The following DNAH8 variants were observed in gnomAD, a reference collection of about 807,000 sequenced individuals.
The protein encoded by DNAH8 is dynein axonemal heavy chain 8.
Under a neutral mutation model 562.1 loss-of-function variants are expected in DNAH8, and 382 were observed. The observed-to-expected ratio is 0.68, with a 90% CI of 0.63 to 0.74. DNAH8 has a LOEUF of 0.74. DNAH8 is among the 30% of genes least tolerant of loss of function. The pLI is 0.00. For synonymous variants in DNAH8, 1,881 were observed against 1,919.4 expected, an observed-to-expected ratio of 0.98 and a Z score of 0.52; for missense variants, 5,203 against 5,620.4, an observed-to-expected ratio of 0.93 and a Z score of 2.37.
In DNAH8 at chr6:38,909,668, A is replaced by C. The variant is rs1056630134; in HGVS notation, c.9664A>C (p.Ile3222Leu). 56 of 1,614,046 alleles carry C rather than the reference A, an allele frequency of 3.5e-5. No homozygotes were observed. Among genetic ancestry groups the C allele is most frequent in the Non-Finnish European group, 4.7e-5 (55 of 1,180,012 alleles). Reference protein sequence around the residue: ...SDYNIVCSSEIKRQVVETMGL... With the variant: ...SDYNIVCSSELKRQVVETMGL... ...CTATAATATTGTCTGCTCTAGTGAA[A>C]TTAAAAGACAAGTTGTAGAAACAAT... The change falls in exon 65 of 93, where the codon ATT becomes CTT. Residue 3222 changes from isoleucine to leucine, a missense_variant. This residue lies in a region of DNAH8 where 977 missense variants were observed against 1,061.8 expected (regional missense o/e 0.92). Transcript: ENST00000327475.
chr6:38,878,548 G>T (rs1020267105), intron 53 of DNAH8, among the ~76,000 whole-genome samples: 1 of 152,012 alleles, frequency 6.6e-6, no homozygotes, highest in African/African-American at 2.4e-5. Context: ...GATCTGAAAA[G>T]ATCAATAAAA....
Position 38,834,661 on chromosome 6 carries a change from G to A in DNAH8, c.4365+20G>A, listed in dbSNP as rs1774130566. The A allele has an allele frequency of 1.3e-6, 2 of 1,571,052 alleles. No homozygotes were observed. Among genetic ancestry groups the A allele is most frequent in the Admixed American group, 1.8e-5 (1 of 55,686 alleles). On this transcript the variant is annotated intron_variant, in intron 32 of 92. Coordinates refer to ENST00000327475, the MANE Select transcript of DNAH8 (RefSeq NM_001206927.2). ...TTTCAGGTGAAACCACATTTTTTTTGTTACATCGACAATGTGTAATTTAAA... is the reference window on the plus strand; with the variant it reads ...TTTCAGGTGAAACCACATTTTTTTTATTACATCGACAATGTGTAATTTAAA...
chr6:38,954,228 T>G (rs9470954), intron 82 of DNAH8, among the ~76,000 whole-genome samples: 45,085 of 151,912 alleles, frequency 0.3, 7,009 homozygotes, highest in African/African-American at 0.36. Context: ...GCCTGACTAC[T>G]GGAGGAGGGA....
chr6:38,946,157 G>A (rs1293217278), intron 80 of DNAH8, among the ~76,000 whole-genome samples: 1 of 152,124 alleles, frequency 6.6e-6, no homozygotes, highest in Non-Finnish European at 1.5e-5. Flanking sequence ...GTTTCTTACT[G>A]GGTTCTGTTG....
At chr6:38,999,387 G>A (rs2150747864) in intron 88 of DNAH8, among the ~76,000 whole-genome samples, 1 of 150,650 alleles carries the variant, frequency 6.6e-6, no homozygotes, top group Middle Eastern at 3.4e-3. Context: ...CTGAGAATTT[G>A]GATATGGGGG....
intron 89 of DNAH8, among the ~76,000 whole-genome samples, chr6:39,010,288 G>A (rs1436836746): frequency 2.0e-5 from 3 of 152,112 alleles, no homozygotes; most frequent in Non-Finnish European, 2.9e-5. Flanking sequence ...TGAACAGGTG[G>A]CTGTAAAGTG....
intron 57 of DNAH8, among the ~76,000 whole-genome samples, chr6:38,888,777 C>G (rs1222587010): frequency 6.6e-6 from 1 of 152,206 alleles, no homozygotes; most frequent in Non-Finnish European, 1.5e-5. Context: ...ACTCTCATTG[C>G]CTGCTGGCCG....
At chr6:38,984,564 G>A (rs765618181) in intron 87 of DNAH8, among the ~76,000 whole-genome samples, 5 of 152,074 alleles carry the variant, frequency 3.3e-5, no homozygotes, top group Admixed American at 6.5e-5. Context: ...AGACTGAGGC[G>A]GGCGGATCAC....
At chr6:38,729,649 CTA>C (rs1342714796) in intron 3 of DNAH8, among the ~76,000 whole-genome samples, 1 of 152,142 alleles carries the variant, frequency 6.6e-6, no homozygotes, top group African/African-American at 2.4e-5. Context: ...TATTTAACCC[CTA>C]TATGATTCTG....
intron 43 of DNAH8, among the ~76,000 whole-genome samples, chr6:38,861,172 G>A (rs915396919): frequency 7.9e-5 from 12 of 152,142 alleles, no homozygotes; most frequent in Non-Finnish European, 1.5e-4. Flanking sequence ...CTTAAATTGC[G>A]TTCTTTAATA....
intron 30 of DNAH8, among the ~76,000 whole-genome samples, chr6:38,829,205 TG>T (rs1318044074): frequency 6.6e-6 from 1 of 152,170 alleles, no homozygotes; most frequent in Non-Finnish European, 1.5e-5. Context: ...ACTTTTGAGT[TG>T]TAAGAATTCT....
chr6:38,774,573 T>A (rs575890480), intron 12 of DNAH8, among the ~76,000 whole-genome samples: 5 of 152,278 alleles, frequency 3.3e-5, no homozygotes, highest in African/African-American at 1.2e-4. Context: ...GACCACCATG[T>A]CTGCCTCAGA....
intron 91 of DNAH8, among the ~76,000 whole-genome samples, chr6:39,020,225 G>A (rs1453155696): frequency 1.3e-5 from 2 of 152,192 alleles, no homozygotes; most frequent in Admixed American, 1.3e-4. Flanking sequence ...TTCAGAGAAG[G>A]TGTGTGTCTC....
At chr6:38,843,452 T>G (rs373924605) in intron 35 of DNAH8, among the ~76,000 whole-genome samples, 7 of 152,086 alleles carry the variant, frequency 4.6e-5, no homozygotes, top group Non-Finnish European at 7.4e-5. Context: ...TTCAAATCTA[T>G]AGATTTATAG....
intron 72 of DNAH8, among the ~76,000 whole-genome samples, 178 bp from the exon 73 acceptor site, chr6:38,923,813 C>G (rs1781904072): frequency 6.6e-6 from 1 of 152,056 alleles, no homozygotes; most frequent in South Asian, 2.1e-4. Flanking sequence ...GTGGCCACTC[C>G]TACCCACTTT....
intron 49 of DNAH8, among the ~76,000 whole-genome samples, chr6:38,872,013 G>C (rs569452278): frequency 6.6e-6 from 1 of 152,124 alleles, no homozygotes; most frequent in Non-Finnish European, 1.5e-5. Context: ...TCCCATTCCT[G>C]TCCTGCTTTC....
chr6:38,758,301 G>T (rs1320164561), intron 10 of DNAH8, among the ~76,000 whole-genome samples: 1 of 151,740 alleles, frequency 6.6e-6, no homozygotes, highest in Non-Finnish European at 1.5e-5. Flanking sequence ...TTGTGAATGG[G>T]AGTTCACTCA....
chr6:38,854,931 T>C (rs2150396105), intron 41 of DNAH8, among the ~76,000 whole-genome samples: 1 of 148,768 alleles, frequency 6.7e-6, no homozygotes, highest in South Asian at 2.1e-4. Flanking sequence ...ATGTATATAA[T>C]ACATATTTTA....
intron 81 of DNAH8, among the ~76,000 whole-genome samples, chr6:38,950,952 C>T (rs1761859700): frequency 6.6e-6 from 1 of 152,066 alleles, no homozygotes; most frequent in Non-Finnish European, 1.5e-5. Context: ...AAATGGTATG[C>T]CACAAATGCT....
Sources: gnomAD v4.1 joint callset for allele counts (sites outside exome capture counted in the v4.1 genomes callset) on GRCh38, gnomAD v4.1.1 for gene constraint, gnomAD v4.1.1 regional missense constraint, MANE v1.5 for transcripts, NCBI Gene and HGNC (gene_info 2026-07-23, HGNC 2026-07-21) for gene names.